Variants in FABP1 observed in about 807,000 individuals in gnomAD.
FABP1 encodes fatty acid-binding protein, liver.
FABP1 carries 13 observed loss-of-function variants against 13.7 expected under a neutral mutation model. That is an observed-to-expected ratio of 0.95 (90% CI 0.62 to 1.51). The LOEUF (loss-of-function observed/expected upper bound fraction) is 1.51, where lower values mean the gene tolerates loss of function less well. Among genes scored for constraint, FABP1 ranks in the 40% most tolerant of loss-of-function variants. The pLI, the probability that FABP1 is intolerant of heterozygous loss-of-function variation, is 0.00. For missense variants in FABP1, 140 were observed against 155.7 expected, an observed-to-expected ratio of 0.90 and a Z score of 0.54; for synonymous variants, 48 against 59.8, an observed-to-expected ratio of 0.80 and a Z score of 0.91.
Position 88,123,085 on chromosome 2 carries a change from A to G in FABP1, c.353T>C (p.Ile118Thr), listed in dbSNP as rs745707676. 5.6e-6 allele frequency: 9 copies of G among 1,612,156 alleles called. No individual in the cohort carries two copies. Among genetic ancestry groups the G allele is most frequent in the Non-Finnish European group, 7.6e-6 (9 of 1,179,334 alleles). Reference sequence around the variant, plus strand: ...TCTCTTGCTGATTCTCTTGAAGACAATGTCACCCAATGTCATGGTCTGAAA... The same window carrying G: ...TCTCTTGCTGATTCTCTTGAAGACAGTGTCACCCAATGTCATGGTCTGAAA... ...IITNTMTLGD[I>T]VFKRISKRI is the part of the protein sequence containing the mutation. Residue 118 changes from isoleucine to threonine, a missense_variant, in exon 4 of 4, where the codon ATT becomes ACT. By Grantham distance (89) the Ile-to-Thr change is moderately conservative (BLOSUM62 -1). Transcript: ENST00000295834.
chr2:88,127,356 G>C (rs1675317461), intron 1 of FABP1, among the ~76,000 whole-genome samples: 1 of 152,102 alleles, frequency 6.6e-6, no homozygotes, highest in African/African-American at 2.4e-5. Flanking sequence ...CTTCCTACTT[G>C]CATGACCTTG....
chr2:88,125,942 G>C, intron 2 of FABP1: 1 of 414,762 alleles, frequency 2.4e-6, no homozygotes, highest in Non-Finnish European at 4.4e-6. Flanking sequence ...CCATATGGGA[G>C]AGCTCAGACT....
intron 3 of FABP1, chr2:88,123,587 T>C (rs1182245531): frequency 1.3e-5 from 2 of 153,594 alleles, no homozygotes; most frequent in African/African-American, 4.8e-5. Flanking sequence ...TTTTTAAGGA[T>C]GTTTCCTCCA....
In FABP1 at chr2:88,124,471, C is replaced by G. The variant is rs79448072; in HGVS notation, c.333+23G>C. The G allele has an allele frequency of 3.8e-6, 6 of 1,584,168 alleles. No individual in the cohort carries two copies. The African/African-American group carries it at 8.1e-5, about 21-fold the overall frequency. On this transcript the variant is annotated intron_variant, in intron 3 of 3. Transcript: ENST00000295834. The stretch of plus-strand genomic sequence containing the variant: ...CTCCCCTCAAGCACTGGGAGCCACA[C>G]GCTCAGAGCACCACCAACTTACATT...
At chr2:88,126,593 G>T in intron 1 of FABP1, 1 of 419,206 alleles carries the variant, frequency 2.4e-6, no homozygotes, top group Non-Finnish European at 4.4e-6. Flanking sequence ...CACTCTTCTG[G>T]CCTGAAGAAC....
In FABP1 at chr2:88,126,156, C is replaced by A. The variant is rs201226221; in HGVS notation, c.240+20G>T. On this transcript the variant is annotated intron_variant, in intron 2 of 3. Transcript: ENST00000295834. ...CAGGTTCCAAGGAAAGTTCTGACAG[C>A]AGAAGGGATGCCCTCCTACCTTGAC... 17 of 1,589,422 alleles carry A rather than the reference C, an allele frequency of 1.1e-5. No individual in the cohort carries two copies. Among genetic ancestry groups the A allele is most frequent in the African/African-American group, 1.3e-5 (1 of 74,686 alleles).
Position 88,126,258 on chromosome 2 carries a change from G to A in FABP1, c.158C>T (p.Thr53Ile). ...QNGKHFKFTI[T>I]AGSKVIQNEF... The stretch of plus-strand genomic sequence containing the variant: ...GTTTTGGATCACTTTGGACCCAGCG[G>A]TGATGGTGAACTTGAAGTGCTTCCC... The change falls in exon 2 of 4, where the codon ACC (threonine) becomes ATC (isoleucine). Residue 53 changes from threonine to isoleucine, a missense_variant. Transcript: ENST00000295834. 1 of 1,613,948 alleles carries A rather than the reference G, an allele frequency of 6.2e-7. No homozygotes were observed.
chr2:88,124,944 A>G (rs1638845378), intron 2 of FABP1, among the ~76,000 whole-genome samples: 3 of 151,552 alleles, frequency 2.0e-5, no homozygotes, highest in Admixed American at 2.0e-4. Context: ...CCAGTAGAGA[A>G]TACATATTTT....
Position 88,127,969 on chromosome 2 carries a change from C to T in FABP1, c.49G>A (p.Ala17Thr). 7 of 1,614,238 alleles carry T rather than the reference C, an allele frequency of 4.3e-6. No homozygotes were observed. The highest frequency in any genetic ancestry group is 5.9e-6 in the Non-Finnish European group (7 of 1,180,050). Residue 17 changes from alanine to threonine, a missense_variant, in exon 1 of 4, where the codon GCC becomes ACC. By Grantham distance (58) the Ala-to-Thr change is moderately conservative. Transcript: ENST00000295834. ...YQLQSQENFE[A>T]FMKAIGLPEE... The stretch of plus-strand genomic sequence containing the variant: ...CACTCACCGATTGCCTTCATGAAGG[C>T]TTCAAAGTTTTCCTGGCTCTGCAGT...
intron 1 of FABP1, among the ~76,000 whole-genome samples, chr2:88,127,409 G>A (rs2104038348): frequency 6.6e-6 from 1 of 152,280 alleles, no homozygotes; most frequent in South Asian, 2.1e-4. Context: ...TGCATTAACT[G>A]TAAAGTGGGA....
rs776049203 is a variant in FABP1, at chr2:88,127,937, A to C, written c.67+14T>G. ...GATGTGACCCACAGCTTTGCCTTTC[A>C]GTCCAGCACTCACCGATTGCCTTCA... On this transcript the variant is annotated intron_variant, in intron 1 of 3. Coordinates refer to ENST00000295834, the MANE Select transcript of FABP1 (RefSeq NM_001443.3). The C allele has an allele frequency of 6.2e-7, 1 of 1,613,874 alleles. No homozygotes were observed. Among genetic ancestry groups the C allele is most frequent in the Non-Finnish European group, 8.5e-7 (1 of 1,179,748 alleles).
chr2:88,123,307 C>T (rs1675237947), intron 3 of FABP1: 1 of 560,768 alleles, frequency 1.8e-6, no homozygotes, highest in Admixed American at 3.4e-5. Context: ...AAGTCTTTGT[C>T]ACTTCTCCTC....
At chr2:88,125,361 AAG>A (rs1675277070) in intron 2 of FABP1, among the ~76,000 whole-genome samples, 1 of 152,138 alleles carries the variant, frequency 6.6e-6, no homozygotes, top group Non-Finnish European at 1.5e-5. Flanking sequence ...GGCAGAAATA[AAG>A]AGTGACCAGA....
At position 88,123,018 on chromosome 2, in the gene FABP1, T is replaced by C. The variant is rs773032861; in HGVS notation, c.*36A>G. 8.4e-6 allele frequency: 13 copies of C among 1,555,778 alleles called. No homozygotes were observed. The highest frequency in any genetic ancestry group is 1.1e-5 in the Non-Finnish European group (13 of 1,141,996). On this transcript the variant is annotated 3_prime_UTR_variant, in exon 4 of 4. Transcript: ENST00000295834. Reference sequence around the variant, plus strand: ...AACAAAGTTCACTTTATTACATTAATTTTACACACTAAAATAATATGAAAT... The same window carrying C: ...AACAAAGTTCACTTTATTACATTAACTTTACACACTAAAATAATATGAAAT...
At chr2:88,126,508 C>T in intron 1 of FABP1, 160 bp from the exon 2 acceptor site, 1 of 691,062 alleles carries the variant, frequency 1.4e-6, no homozygotes, top group Non-Finnish European at 2.5e-6. Context: ...GCAGCATCGG[C>T]TGTGGCCTCA....
chr2:88,127,967 G>A lies in FABP1; in HGVS notation c.51C>T (p.Ala17=), dbSNP rs2104039373. Residue 17 remains alanine (A), a synonymous_variant, in exon 1 of 4, where the codon GCC becomes GCT. Transcript: ENST00000295834. The part of the protein sequence containing the change: ...YQLQSQENFE[A]FMKAIGLPEE... ...AGCACTCACCGATTGCCTTCATGAA[G>A]GCTTCAAAGTTTTCCTGGCTCTGCA... 6.2e-7 allele frequency: 1 copy of A among 1,614,196 alleles called. No homozygotes were observed. The highest frequency in any genetic ancestry group is 1.3e-5 in the African/African-American group (1 of 75,058).
intron 3 of FABP1, 138 bp downstream of exon 3, chr2:88,124,356 G>C (rs952330269): frequency 1.7e-6 from 1 of 603,928 alleles, no homozygotes; most frequent in Non-Finnish European, 2.9e-6. Flanking sequence ...AGTGCTGGCA[G>C]ATACTGACCA....
chr2:88,127,176 C>T (rs920381129), intron 1 of FABP1, among the ~76,000 whole-genome samples: 1 of 152,116 alleles, frequency 6.6e-6, no homozygotes, highest in Non-Finnish European at 1.5e-5. Flanking sequence ...GCCCCCAGTT[C>T]CCTAGACACC....
intron 3 of FABP1, 54 bp from the exon 4 acceptor site, chr2:88,123,158 A>T: frequency 2.7e-6 from 4 of 1,478,766 alleles, no homozygotes; most frequent in Non-Finnish European, 2.8e-6. Context: ...TATTGTAAAA[A>T]ACAAAATTAA....
Sources: allele counts gnomAD v4.1 joint callset (sites outside exome capture counted in the v4.1 genomes callset), GRCh38; gene constraint gnomAD v4.1.1; transcripts MANE v1.5; gene names NCBI Gene and HGNC (gene_info 2026-07-23, HGNC 2026-07-21).